MYO6: variants seen among roughly 807,000 people sequenced by gnomAD.
MYO6 encodes unconventional myosin-VI.
A neutral mutation model predicts 178.7 loss-of-function variants in MYO6; 74 were observed. The ratio of observed to expected loss-of-function variants is 0.41; its 90% confidence interval spans 0.34 to 0.50. The LOEUF is 0.50. Ranked by LOEUF, MYO6 falls within the 20% of genes least tolerant of loss-of-function variation. The probability of loss-of-function intolerance (pLI) is 0.09; values close to 1 mark genes in which losing one functional copy is unlikely to be tolerated. For synonymous variants in MYO6, 477 were observed against 504.6 expected (o/e 0.95, Z 0.73); for missense variants, 1,330 against 1,547.4 (o/e 0.86, Z 2.36).
chr6:75,898,425 A>C lies in MYO6; in HGVS notation c.3176+14A>C, dbSNP rs933407230. On this transcript the variant is annotated intron_variant, in intron 30 of 34. Coordinates refer to ENST00000369977, the MANE Select transcript of MYO6 (RefSeq NM_004999.4). ...ATTTTTGAGTAGGTTAGTGCAGTGT[A>C]ATTGGGGGAAATAAGTGTTCACCTC... 2.5e-6 allele frequency: 4 copies of C among 1,599,760 alleles called. No individual in the cohort carries two copies. The Admixed American group carries it at 5.0e-5, about 20-fold the overall frequency.
At position 75,855,157 on chromosome 6, in the gene MYO6, A is replaced by G; in HGVS notation, c.1097A>G (p.Asn366Ser). Residue 366 changes from asparagine to serine, a missense_variant, in exon 12 of 35, where the codon AAT becomes AGT. Coordinates refer to ENST00000369977, the MANE Select transcript of MYO6 (RefSeq NM_004999.4). ...CTATTAGGTGGTTGTAATCTGAAGAATAAATCTGCTCAGTCTTTGGAATAT... is the reference window on the plus strand; with the variant it reads ...CTATTAGGTGGTTGTAATCTGAAGAGTAAATCTGCTCAGTCTTTGGAATAT... ...GSTSGGCNLK[N>S]KSAQSLEYCA... The G allele has an allele frequency of 6.2e-7, 1 of 1,611,030 alleles. No homozygotes were observed. Among genetic ancestry groups the G allele is most frequent in the South Asian group, 1.1e-5 (1 of 90,932 alleles).
chr6:75,804,310 CATTTTCTCACAGTATCTG>C (rs1769778257), intron 1 of MYO6, among the ~76,000 whole-genome samples: 1 of 152,220 alleles, frequency 6.6e-6, no homozygotes, highest in African/African-American at 2.4e-5. Context: ...CCTTGTGCCC[CATTTTCTCACAGTATCTG>C]GATACCAGGG....
chr6:75,822,676 G>T, intron 2 of MYO6, 106 bp from the exon 3 acceptor site: 1 of 805,002 alleles, frequency 1.2e-6, no homozygotes, highest in South Asian at 1.4e-5. Context: ...TTTTAATAAA[G>T]AGCATATTGT....
At chr6:75,850,910 C>G (rs1038283208) in intron 11 of MYO6, among the ~76,000 whole-genome samples, 1 of 150,754 alleles carries the variant, frequency 6.6e-6, no homozygotes, top group African/African-American at 2.4e-5. Context: ...AAAAAAAATT[C>G]AAGCAAAATT....
intron 1 of MYO6, among the ~76,000 whole-genome samples, chr6:75,811,103 G>A (rs1323843514): frequency 6.6e-6 from 1 of 151,858 alleles, no homozygotes; most frequent in Non-Finnish European, 1.5e-5. Context: ...GACTTCTCTT[G>A]GTGGGGGTGG....
chr6:75,816,838 T>G (rs963127065), intron 1 of MYO6, among the ~76,000 whole-genome samples: 1 of 152,158 alleles, frequency 6.6e-6, no homozygotes, highest in Non-Finnish European at 1.5e-5. Flanking sequence ...GCAGAATACT[T>G]TAGGGAGCAA....
intron 4 of MYO6, among the ~76,000 whole-genome samples, chr6:75,829,368 T>A (rs1011871794): frequency 1.3e-5 from 2 of 152,112 alleles, no homozygotes; most frequent in African/African-American, 4.8e-5. Context: ...CCACTGTAGT[T>A]CTCCTGTTAT....
At chr6:75,829,713 G>A (rs1231310769) in intron 4 of MYO6, among the ~76,000 whole-genome samples, 1 of 151,994 alleles carries the variant, frequency 6.6e-6, no homozygotes. Context: ...TATATTTAGA[G>A]GCAAAATTTA....
rs1216992751 is a variant in MYO6, at chr6:75,796,094, CTAAT to C, written c.-47-21404_-47-21401del. Among the ~76,000 whole-genome samples the C allele has an allele frequency of 6.6e-4, 101 of 152,174 alleles. 1 individual carries two copies. Among genetic ancestry groups the C allele is most frequent in the South Asian group, 2.1e-4 (1 of 4,826 alleles). ...ACTTAATTCCTTGTTTATGAATTCA[CTAAT>C]TATTTGCTATTATCTGGTGCCCTGC... On this transcript the variant is annotated intron_variant, in intron 1 of 34. Transcript: ENST00000369977.
rs1395507761 is a variant in MYO6 at position 75,892,559 on chromosome 6, G to T, written c.2976G>T (p.Gln992His). The T allele has an allele frequency of 6.2e-7, 1 of 1,613,946 alleles. No homozygotes were observed. Among genetic ancestry groups the T allele is most frequent in the East Asian group, 2.2e-5 (1 of 44,888 alleles). The change falls in exon 28 of 35, where the codon CAG (glutamine) becomes CAT (histidine). Residue 992 changes from glutamine (Q) to histidine (H), a missense_variant. By Grantham distance (24) the Gln-to-His change is conservative. Around this residue, in one of 3 missense-constraint regions of MYO6, gnomAD observed 601 missense variants for 626.1 expected, o/e 0.96. Transcript: ENST00000369977. ...QAEVEAQLAR[Q>H]KEEESQQQAV... ...AAGTGGAGGCACAGCTGGCCCGACA[G>T]AAGGAGGAGGAATCCCAACAGCAAG...
intron 28 of MYO6, chr6:75,894,880 A>G: frequency 7.7e-7 from 1 of 1,299,770 alleles, no homozygotes; most frequent in Non-Finnish European, 1.1e-6. Flanking sequence ...GTTCTGAAAT[A>G]TAATTTCAAT....
rs201810172 is a variant in MYO6 at position 75,817,682 on chromosome 6, A to G, written c.117+18A>G. Reference sequence around the variant, plus strand: ...AAGGCAAGGTGAGTTTCTCAGAAAGATGTTGAAATATGATTTCTTTCAAAA... The same window carrying G: ...AAGGCAAGGTGAGTTTCTCAGAAAGGTGTTGAAATATGATTTCTTTCAAAA... On this transcript the variant is annotated intron_variant, in intron 2 of 34. Transcript: ENST00000369977. 1 of 1,598,126 alleles carries G rather than the reference A, an allele frequency of 6.3e-7. No homozygotes were observed. Among genetic ancestry groups the G allele is most frequent in the Admixed American group, 1.7e-5 (1 of 60,006 alleles).
intron 1 of MYO6, among the ~76,000 whole-genome samples, chr6:75,754,585 C>G (rs2748955): frequency 0.73 from 107,245 of 145,916 alleles, 40,877 homozygotes; most frequent in Non-Finnish European, 0.85. Flanking sequence ...AATATATTTT[C>G]TGTGGCAGAA....
chr6:75,908,437 T>C, intron 31 of MYO6, 59 bp from the exon 32 acceptor site: 4 of 1,522,768 alleles, frequency 2.6e-6, no homozygotes, highest in Non-Finnish European at 3.6e-6. Context: ...ATTATATCAT[T>C]ATGTTAGACG....
At chr6:75,910,590 T>C (rs1780687726) in intron 32 of MYO6, among the ~76,000 whole-genome samples, 1 of 152,186 alleles carries the variant, frequency 6.6e-6, no homozygotes, top group African/African-American at 2.4e-5. Flanking sequence ...GGAATTTATG[T>C]GAACACAACC....
At chr6:75,909,437 A>G (rs912841428) in intron 32 of MYO6, among the ~76,000 whole-genome samples, 3 of 152,236 alleles carry the variant, frequency 2.0e-5, no homozygotes, top group African/African-American at 7.2e-5. Flanking sequence ...AAAGTGAGAA[A>G]TATTACCTTG....
At chr6:75,891,425 G>GA (rs1217472685) in intron 27 of MYO6, 119 bp downstream of exon 27, 1 of 611,412 alleles carries the variant, frequency 1.6e-6, no homozygotes, top group Non-Finnish European at 3.0e-6. Flanking sequence ...GAGGTCAGGA[G>GA]ATCAAGACCA....
chr6:75,752,119 A>T (rs1331706188), intron 1 of MYO6, among the ~76,000 whole-genome samples: 1 of 151,426 alleles, frequency 6.6e-6, no homozygotes, highest in East Asian at 1.9e-4. Context: ...CAGCCTCCTG[A>T]GTAGCTGAGA....
At chr6:75,893,169 T>C (rs902751062) in intron 28 of MYO6, among the ~76,000 whole-genome samples, 1 of 152,148 alleles carries the variant, frequency 6.6e-6, no homozygotes, top group African/African-American at 2.4e-5. Context: ...TCAGAATAAA[T>C]GAGTTTCCCT....
Sources: gnomAD v4.1 joint callset for allele counts (sites outside exome capture counted in the v4.1 genomes callset) on GRCh38, gnomAD v4.1.1 for gene constraint, gnomAD v4.1.1 regional missense constraint, MANE v1.5 for transcripts, NCBI Gene and HGNC (gene_info 2026-07-23, HGNC 2026-07-21) for gene names.